The following RGS6 variants were observed in gnomAD, a reference collection of about 807,000 sequenced individuals.
The protein encoded by RGS6 is regulator of G-protein signaling 6.
In RGS6, 30 loss-of-function variants were observed where a neutral mutation model predicts 78.5. The ratio of observed to expected loss-of-function variants is 0.38; its 90% confidence interval spans 0.29 to 0.52. The LOEUF (loss-of-function observed/expected upper bound fraction) is 0.52. Among genes scored for constraint, RGS6 ranks in the 20% least tolerant of loss-of-function variants. The probability of loss-of-function intolerance (pLI) is 0.85; values close to 1 mark genes in which losing one functional copy is unlikely to be tolerated. For synonymous variants in RGS6, 206 were observed against 206.0 expected, an observed-to-expected ratio of 1.00 and a Z score of 0.00; for missense variants, 495 against 609.7, an observed-to-expected ratio of 0.81 and a Z score of 1.98.
At chr14:72,094,024 AGAAC>A (rs971211262) in intron 2 of RGS6, among the ~76,000 whole-genome samples, 11 of 152,194 alleles carry the variant, frequency 7.2e-5, no homozygotes, top group African/African-American at 2.4e-4. Context: ...ATAAAAATAA[AGAAC>A]AATGTATTGT....
At chr14:72,480,161 A>G (rs941223433) in intron 12 of RGS6, among the ~76,000 whole-genome samples, 1 of 152,152 alleles carries the variant, frequency 6.6e-6, no homozygotes, top group Non-Finnish European at 1.5e-5. Context: ...CTTCAAGTGG[A>G]CTGATCTGGT....
the RGS6 span, among the ~76,000 whole-genome samples, chr14:71,904,889 C>T: frequency 6.6e-6 from 1 of 151,932 alleles, no homozygotes; most frequent in African/African-American, 2.4e-5. Flanking sequence ...ATACTGGACT[C>T]CATTATCTTT....
intron 2 of RGS6, among the ~76,000 whole-genome samples, chr14:72,250,516 AAAG>A (rs1309801855): frequency 6.6e-6 from 1 of 152,104 alleles, no homozygotes; most frequent in African/African-American, 2.4e-5. Flanking sequence ...AGTATCTGAG[AAAG>A]AAGGGGAAAA....
At chr14:72,534,272 C>T (rs1488250482) in intron 15 of RGS6, among the ~76,000 whole-genome samples, 2 of 152,116 alleles carry the variant, frequency 1.3e-5, no homozygotes, top group African/African-American at 2.4e-5. Flanking sequence ...AAGGTATGTA[C>T]CTTGTTTTTT....
At chr14:72,451,684 G>A (rs1027372270) in intron 3 of RGS6, among the ~76,000 whole-genome samples, 4 of 152,144 alleles carry the variant, frequency 2.6e-5, no homozygotes, top group East Asian at 1.9e-4. Flanking sequence ...AAGATAATCC[G>A]CAGGCCTGGG....
At chr14:72,386,539 A>AAAT (rs1335114983) in intron 3 of RGS6, among the ~76,000 whole-genome samples, 2 of 152,084 alleles carry the variant, frequency 1.3e-5, no homozygotes, top group Non-Finnish European at 2.9e-5. Flanking sequence ...CTCCATCTCA[A>AAAT]AATAATAATA....
chr14:72,573,826 AAGCTGC>A, the RGS6 span, among the ~76,000 whole-genome samples: 10 of 152,178 alleles, frequency 6.6e-5, no homozygotes, highest in Non-Finnish European at 1.5e-5. Context: ...GGGGTTAAGA[AAGCTGC>A]ATATACACAC....
intron 11 of RGS6, chr14:72,477,232 GAATA>G (rs2096262371): frequency 6.0e-6 from 1 of 166,636 alleles, no homozygotes; most frequent in Admixed American, 6.2e-5. Context: ...GAAAGTTTAA[GAATA>G]AATAAAGCTC....
At chr14:72,584,446 C>T in the RGS6 span, among the ~76,000 whole-genome samples, 4 of 152,114 alleles carry the variant, frequency 2.6e-5, no homozygotes, top group Admixed American at 2.6e-4. Context: ...GACTGGATGG[C>T]TACTTTAGAT....
the RGS6 span, among the ~76,000 whole-genome samples, chr14:71,889,154 AGAG>A: frequency 6.6e-6 from 1 of 152,030 alleles, no homozygotes; most frequent in African/African-American, 2.4e-5. Flanking sequence ...GGTCCAGGGG[AGAG>A]GAGAACATGT....
chr14:71,983,681 A>G (rs893773516), intron 2 of RGS6, among the ~76,000 whole-genome samples: 1 of 152,116 alleles, frequency 6.6e-6, no homozygotes, highest in South Asian at 2.1e-4. Context: ...TGTGTTTCAC[A>G]TGGCCTTATA....
At chr14:71,932,279 C>T (rs1196880623), upstream of RGS6, among the ~76,000 whole-genome samples, 1 of 151,748 alleles carries the variant, frequency 6.6e-6, no homozygotes, top group Admixed American at 6.6e-5. Context: ...GGTGCCGGTC[C>T]CCGCCCGCCG....
intron 12 of RGS6, 136 bp downstream of exon 12, chr14:72,478,465 C>A: frequency 1.5e-6 from 1 of 652,556 alleles, no homozygotes. Context: ...TGCAGAAAAA[C>A]CCACAGGCTC....
At chr14:71,955,409 A>G (rs1391506183) in intron 1 of RGS6, among the ~76,000 whole-genome samples, 1 of 152,210 alleles carries the variant, frequency 6.6e-6, no homozygotes, top group Non-Finnish European at 1.5e-5. Flanking sequence ...AATTCGGGGC[A>G]AGTCCGTAGA....
intron 2 of RGS6, among the ~76,000 whole-genome samples, chr14:71,968,615 A>G (rs916818213): frequency 6.6e-6 from 1 of 152,208 alleles, no homozygotes; most frequent in Non-Finnish European, 1.5e-5. Flanking sequence ...CATGGAAGCC[A>G]TAATGGTGTC....
intron 2 of RGS6, among the ~76,000 whole-genome samples, chr14:72,053,089 C>CTTCT (rs2093421888): frequency 2.2e-5 from 1 of 45,698 alleles, no homozygotes; most frequent in African/African-American, 9.4e-5. Context: ...CCCTTCCTTC[C>CTTCT]TTCCTTCCTT....
At chr14:72,224,982 A>G (rs1320112959) in intron 2 of RGS6, among the ~76,000 whole-genome samples, 5 of 152,224 alleles carry the variant, frequency 3.3e-5, no homozygotes, top group African/African-American at 1.2e-4. Flanking sequence ...AATTGCCACA[A>G]AAATATTTGT....
At position 72,131,859 on chromosome 14, in the gene RGS6, G is replaced by A. The variant is rs1427848907; in HGVS notation, c.84+166984G>A. Among the ~76,000 whole-genome samples, 3 of 152,202 alleles carry A rather than the reference G, an allele frequency of 2.0e-5. No homozygotes were observed. In the East Asian group the frequency reaches 5.8e-4, roughly 29 times the overall value. On this transcript the variant is annotated intron_variant, in intron 2 of 17. Transcript: ENST00000553525. ...TTGAGATAATCTATTAATTTAGAAT[G>A]CTTACTAGAAGCCCACCATGGGGCT...
At chr14:71,927,146 C>A in the RGS6 span, among the ~76,000 whole-genome samples, 1 of 152,218 alleles carries the variant, frequency 6.6e-6, no homozygotes, top group African/African-American at 2.4e-5. Context: ...GCATGAACAG[C>A]AGCCCATGGT....
Sources: allele counts gnomAD v4.1 joint callset (sites outside exome capture counted in the v4.1 genomes callset), GRCh38; gene constraint gnomAD v4.1.1; transcripts MANE v1.5; gene names NCBI Gene and HGNC (gene_info 2026-07-23, HGNC 2026-07-21).